Variants in PLCZ1 observed in about 807,000 individuals in gnomAD.
PLCZ1 encodes the protein phospholipase C zeta 1.
Under a neutral mutation model 76.8 loss-of-function variants are expected in PLCZ1, and 64 were observed. That is an observed-to-expected ratio of 0.83 (90% CI 0.68 to 1.03). PLCZ1 has a LOEUF of 1.03. Among genes scored for constraint, PLCZ1 ranks in the 50% least tolerant of loss-of-function variants. PLCZ1 has a pLI of 0.00. For missense variants in PLCZ1, 751 were observed against 713.7 expected (o/e 1.05, Z -0.60); for synonymous variants, 248 against 230.8 (o/e 1.07, Z -0.68).
At chr12:18,674,780 T>C in the PLCZ1 span, among the ~76,000 whole-genome samples, 1 of 152,258 alleles carries the variant, frequency 6.6e-6, no homozygotes, top group Non-Finnish European at 1.5e-5. Flanking sequence ...TGTAATGAGT[T>C]GAAAGTGGTA....
chr12:18,655,749 T>G, the PLCZ1 span, among the ~76,000 whole-genome samples: 1 of 36,910 alleles, frequency 2.7e-5, no homozygotes, highest in African/African-American at 8.1e-5. Context: ...AACCTTATCA[T>G]GAAAAAAAAA....
intron 5 of PLCZ1, 57 bp from the exon 6 acceptor site, chr12:18,713,043 A>T: frequency 1.9e-6 from 3 of 1,589,948 alleles, no homozygotes; most frequent in Non-Finnish European, 2.6e-6. Context: ...AATATATACC[A>T]AAGTATTAAA....
At chr12:18,700,538 A>AAGG (rs1370935394) in intron 9 of PLCZ1, among the ~76,000 whole-genome samples, 3 of 135,918 alleles carry the variant, frequency 2.2e-5, no homozygotes, top group Admixed American at 8.1e-5. Flanking sequence ...AAAAAAAAAT[A>AAGG]GTTGCTCTGC....
chr12:18,709,997 C>T (rs1006410450), intron 6 of PLCZ1, among the ~76,000 whole-genome samples: 2 of 151,532 alleles, frequency 1.3e-5, no homozygotes, highest in African/African-American at 2.4e-5. Context: ...TTAAATATGT[C>T]GATTTTGTGT....
chr12:18,656,467 G>C, the PLCZ1 span, among the ~76,000 whole-genome samples: 1 of 152,174 alleles, frequency 6.6e-6, no homozygotes, highest in Non-Finnish European at 1.5e-5. Flanking sequence ...TTGGAAGGCT[G>C]AGGCAGAGAA....
chr12:18,727,514 G>C (rs747754409), intron 3 of PLCZ1, among the ~76,000 whole-genome samples: 1 of 152,112 alleles, frequency 6.6e-6, no homozygotes, highest in Non-Finnish European at 1.5e-5. Context: ...TGAAATTAGG[G>C]AGGAAAGGGG....
chr12:18,674,950 T>A, the PLCZ1 span, among the ~76,000 whole-genome samples: 4 of 152,028 alleles, frequency 2.6e-5, no homozygotes, highest in Non-Finnish European at 5.9e-5. Context: ...CAACTGAGGC[T>A]CCAGTCACGT....
At chr12:18,657,627 A>G in the PLCZ1 span, among the ~76,000 whole-genome samples, 5 of 152,202 alleles carry the variant, frequency 3.3e-5, no homozygotes, top group African/African-American at 1.2e-4. Context: ...TACAACAATG[A>G]ATACATACTT....
intron 5 of PLCZ1, among the ~76,000 whole-genome samples, chr12:18,716,241 T>A (rs1202778385): frequency 2.0e-5 from 3 of 151,806 alleles, no homozygotes; most frequent in Admixed American, 2.0e-4. Flanking sequence ...AGCTTTTTAC[T>A]TGGGGTGGGG....
intron 3 of PLCZ1, among the ~76,000 whole-genome samples, chr12:18,725,300 A>T (rs1245224762): frequency 6.6e-6 from 1 of 152,134 alleles, no homozygotes. Context: ...GGAGAAGAAA[A>T]GCAATAAGAA....
intron 3 of PLCZ1, chr12:18,731,036 G>A (rs1959020698): frequency 6.6e-6 from 1 of 152,008 alleles, no homozygotes; most frequent in Admixed American, 6.6e-5. Flanking sequence ...ACACAGTTCT[G>A]CAACTTTGGT....
chr12:18,654,504 C>A, the PLCZ1 span, among the ~76,000 whole-genome samples: 1 of 152,064 alleles, frequency 6.6e-6, no homozygotes, highest in African/African-American at 2.4e-5. Flanking sequence ...GATTTCAGAC[C>A]GAAATCCCAG....
At chr12:18,724,334 G>C (rs775239853) in intron 3 of PLCZ1, among the ~76,000 whole-genome samples, 2 of 152,044 alleles carry the variant, frequency 1.3e-5, no homozygotes, top group Non-Finnish European at 2.9e-5. Context: ...ACAAATGAGA[G>C]AGATAACTCA....
At chr12:18,678,326 T>A (rs1194598182), downstream of PLCZ1, among the ~76,000 whole-genome samples, 14 of 152,230 alleles carry the variant, frequency 9.2e-5, no homozygotes. Flanking sequence ...CTATTTTTCT[T>A]TTCAGGATTT....
At chr12:18,698,236 A>ACTTTT (rs1955376715) in intron 10 of PLCZ1, among the ~76,000 whole-genome samples, 1 of 100,342 alleles carries the variant, frequency 1.0e-5, no homozygotes, top group Admixed American at 1.0e-4. Context: ...CTTGCAATAC[A>ACTTTT]CTTTTCTTCT....
chr12:18,652,064 G>A, the PLCZ1 span, among the ~76,000 whole-genome samples: 2 of 152,070 alleles, frequency 1.3e-5, no homozygotes, highest in East Asian at 3.9e-4. Flanking sequence ...TTTAAAGTTA[G>A]GCAGATGATA....
chr12:18,679,848 C>T (rs1200301025), downstream of PLCZ1, among the ~76,000 whole-genome samples: 1 of 151,864 alleles, frequency 6.6e-6, no homozygotes, highest in Non-Finnish European at 1.5e-5. Flanking sequence ...AACACCAGCT[C>T]CCAGGTGTGC....
chr12:18,671,320 T>C, the PLCZ1 span, among the ~76,000 whole-genome samples: 3 of 150,276 alleles, frequency 2.0e-5, no homozygotes, highest in East Asian at 5.8e-4. Flanking sequence ...GATATTGGGA[T>C]TTTTTTTTAT....
At chr12:18,696,700 C>T (rs926674278) in intron 10 of PLCZ1, among the ~76,000 whole-genome samples, 3 of 151,966 alleles carry the variant, frequency 2.0e-5, no homozygotes, top group African/African-American at 7.3e-5. Flanking sequence ...GGAAGTCACA[C>T]AAAGCTATAC....
Sources: allele counts gnomAD v4.1 joint callset (sites outside exome capture counted in the v4.1 genomes callset), GRCh38; gene constraint gnomAD v4.1.1; transcripts MANE v1.5; gene names NCBI Gene and HGNC (gene_info 2026-07-23, HGNC 2026-07-21).